CCDC88B: variants seen among roughly 807,000 people sequenced by gnomAD.
The protein encoded by CCDC88B is coiled-coil domain-containing protein 88B.
CCDC88B carries 138 observed loss-of-function variants against 183.7 expected under a neutral mutation model. That is an observed-to-expected ratio of 0.75 (90% confidence interval 0.65 to 0.87). CCDC88B has a LOEUF of 0.87. Among genes scored for constraint, CCDC88B ranks in the 40% least tolerant of loss-of-function variants. The pLI, the probability that CCDC88B is intolerant of heterozygous loss-of-function variation, is 0.00. For synonymous variants in CCDC88B, 835 were observed against 867.5 expected (o/e 0.96, Z 0.66); for missense variants, 1,822 against 1,965.6 (o/e 0.93, Z 1.38).
chr11:64,340,707 T>A lies in CCDC88B; in HGVS notation c.161T>A (p.Leu54Gln). The A allele has an allele frequency of 6.2e-7, 1 of 1,612,452 alleles. No homozygotes were observed. Among genetic ancestry groups the A allele is most frequent in the Non-Finnish European group, 8.5e-7 (1 of 1,179,802 alleles). Residue 54 changes from leucine (L) to glutamine (Q), a missense_variant, in exon 2 of 27, where the codon CTG (leucine) becomes CAG (glutamine). Leu to Gln is a moderately radical substitution (Grantham distance 113). Transcript: ENST00000356786. ...EPPLWLEKRF[L>Q]RLSDGALLLR... ...CCCCTTTGGTTGGAGAAGAGATTCC[T>A]GCGCCTCAGCGATGGGGCCCTGCTC...
intron 14 of CCDC88B, among the ~76,000 whole-genome samples, chr11:64,345,960 G>A (rs1393312012): frequency 1.3e-5 from 2 of 152,182 alleles, no homozygotes; most frequent in Admixed American, 6.5e-5. Context: ...AGCTGAGATT[G>A]TGCCACTATA....
At position 64,349,664 on chromosome 11, in the gene CCDC88B, T is replaced by C; in HGVS notation, c.2858T>C (p.Phe953Ser). The change falls in exon 16 of 27, where the codon TTC (phenylalanine) becomes TCC (serine). Residue 953 changes from phenylalanine (F) to serine (S), a missense_variant. Phe to Ser is a radical substitution (Grantham distance 155). Transcript: ENST00000356786. Reference sequence around the variant, plus strand: ...GCCCTGCAGCTGGAAGAGGAGCTGTTCCAGGTGATGCCTGCCCGCCTGGGA... The same window carrying C: ...GCCCTGCAGCTGGAAGAGGAGCTGTCCCAGGTGATGCCTGCCCGCCTGGGA... Reference protein sequence around the residue: ...TRALQLEEELFQLRQGPAGLG... With the variant: ...TRALQLEEELSQLRQGPAGLG... 1 of 1,590,700 alleles carries C rather than the reference T, an allele frequency of 6.3e-7. No individual in the cohort carries two copies. The highest frequency in any genetic ancestry group is 1.1e-5 in the South Asian group (1 of 87,152).
chr11:64,340,565 G>C (rs1330009642), intron 1 of CCDC88B, 42 bp from the exon 2 acceptor site: 7 of 1,588,360 alleles, frequency 4.4e-6, no homozygotes, highest in Non-Finnish European at 6.0e-6. Flanking sequence ...GGGGCTCAGG[G>C]TTCACTCTGC....
intron 24 of CCDC88B, among the ~76,000 whole-genome samples, 188 bp from the exon 25 acceptor site, chr11:64,355,006 G>A (rs1375889667): frequency 2.2e-4 from 14 of 64,462 alleles, no homozygotes; most frequent in African/African-American, 8.8e-4. Context: ...GGCCCTCTCC[G>A]TGCATGAGCC....
In CCDC88B at chr11:64,357,058, G is replaced by A. The variant is rs762453283; in HGVS notation, c.4395G>A (p.Pro1465=). The A allele has an allele frequency of 1.2e-4, 200 of 1,602,640 alleles. No individual in the cohort carries two copies. The highest frequency in any genetic ancestry group is 8.3e-4 in the Middle Eastern group (5 of 6,008). Reference sequence around the variant, plus strand: ...CTCTAGGCCCTGAGGTACAGGAACCGGAGAAACGTCCCCTCACCCCATCCC... The same window carrying A: ...CTCTAGGCCCTGAGGTACAGGAACCAGAGAAACGTCCCCTCACCCCATCCC... ...ANREGPEVQE[P]EKRPLTPSLS... The change falls in exon 27 of 27, where the codon CCG becomes CCA. Residue 1465 remains proline (P), a synonymous_variant. Transcript: ENST00000356786.
At chr11:64,347,142 G>A (rs2036144681) in intron 14 of CCDC88B, among the ~76,000 whole-genome samples, 1 of 152,214 alleles carries the variant, frequency 6.6e-6, no homozygotes, top group African/African-American at 2.4e-5. Flanking sequence ...CATCTTCTTG[G>A]TGCCAGGCCC....
In CCDC88B at chr11:64,344,461, G is replaced by C; in HGVS notation, c.1920G>C (p.Gly640=). ...GCGAGTTGGTGCCTGAGGCCTGGGG[G>C]TTGAGACAGGAGGGCCCTGAGCACA... ...PQGELVPEAW[G]LRQEGPEHKP... is the part of the protein sequence containing the mutation. The change falls in exon 14 of 27, where the codon GGG becomes GGC. Residue 640 remains glycine (G), a synonymous_variant. Coordinates refer to ENST00000356786, the MANE Select transcript of CCDC88B (RefSeq NM_032251.6). The surrounding 1 kb of genome is among the most constrained non-coding windows in gnomAD (Gnocchi z 4.5). The C allele has an allele frequency of 6.3e-6, 10 of 1,595,460 alleles. No individual in the cohort carries two copies. The highest frequency in any genetic ancestry group is 7.7e-6 in the Non-Finnish European group (9 of 1,171,412).
intron 14 of CCDC88B, among the ~76,000 whole-genome samples, chr11:64,348,443 G>A (rs1489665933): frequency 6.6e-6 from 1 of 152,096 alleles, no homozygotes; most frequent in Non-Finnish European, 1.5e-5. Flanking sequence ...CTGGGCGGGA[G>A]GTTCTATTCA....
Position 64,343,177 on chromosome 11 carries a change from A to G in CCDC88B, c.1063-2A>G, listed in dbSNP as rs1313542457. On this transcript the variant is annotated splice_acceptor_variant, in intron 10 of 26. Coordinates refer to ENST00000356786, the MANE Select transcript of CCDC88B (RefSeq NM_032251.6). LOFTEE classifies it high-confidence loss of function. The stretch of plus-strand genomic sequence containing the variant: ...TACCGGTTCTCCCTGCTCTCCCACC[A>G]GGAGGAGCGGGTGCTCTCGGGGGTG... The G allele has an allele frequency of 3.3e-6, 5 of 1,527,072 alleles. No individual in the cohort carries two copies. The highest frequency in any genetic ancestry group is 3.5e-6 in the Non-Finnish European group (4 of 1,135,560). The allele number at this position is 1,527,072 out of a possible 1,614,324, so 94.6% of individuals were successfully genotyped here.
At position 64,351,266 on chromosome 11, in the gene CCDC88B, G is replaced by A. The variant is rs1351166906; in HGVS notation, c.2958+11G>A. 2.6e-6 allele frequency: 4 copies of A among 1,511,940 alleles called. No individual in the cohort carries two copies. Among genetic ancestry groups the A allele is most frequent in the Middle Eastern group, 2.2e-4 (1 of 4,514 alleles). 93.7% of individuals were successfully genotyped at this position (1,511,940 alleles called of 1,614,324 possible). A position where few individuals can be genotyped will look rare whatever the true frequency, so the allele number is the denominator to read the frequency against. ...GAGGTGGAGCGCAGTGTGAGTGTGG[G>A]CCCACAGTGGGCCCTGGGGAGGTGC... On this transcript the variant is annotated intron_variant, in intron 17 of 26. Transcript: ENST00000356786.
At chr11:64,352,915 GCT>G in intron 20 of CCDC88B, 28 bp downstream of exon 20, 1 of 1,540,744 alleles carries the variant, frequency 6.5e-7, no homozygotes. Flanking sequence ...GCCTCTAGCA[GCT>G]CTCAGTGGCC....
Position 64,344,911 on chromosome 11 carries a change from A to G in CCDC88B, c.2370A>G (p.Gln790=), listed in dbSNP as rs2135307252. Residue 790 remains glutamine, a synonymous_variant, in exon 14 of 27, where the codon CAA becomes CAG. Transcript: ENST00000356786. The surrounding 1 kb of genome is among the most constrained non-coding windows in gnomAD (Gnocchi z 4.5). ...HREAEAQAWE[Q]ARLREAVEAA... is the part of the protein sequence containing the mutation. ...AGGCAGAGGCCCAGGCCTGGGAGCA[A>G]GCCCGGCTGCGGGAGGCAGTGGAGG... 2 of 1,579,098 alleles carry G rather than the reference A, an allele frequency of 1.3e-6. No homozygotes were observed. The highest frequency in any genetic ancestry group is 4.6e-5 in the East Asian group (2 of 43,084).
rs758184933 is a variant in CCDC88B, at chr11:64,344,017, G to A, written c.1476G>A (p.Pro492=). 19 of 1,561,660 alleles carry A rather than the reference G, an allele frequency of 1.2e-5. No homozygotes were observed. Among genetic ancestry groups the A allele is most frequent in the South Asian group, 7.0e-5 (6 of 85,602 alleles). ...PGGQHPLLEA[P]REDPVLPVLE... ...CTCAGCACCCCCTGCTGGAGGCACC[G>A]AGAGAGGACCCTGTTCTTCCAGTGC... is the stretch of plus-strand genomic sequence containing the variant. Residue 492 remains proline, a synonymous_variant, in exon 14 of 27, where the codon CCG becomes CCA. Coordinates refer to ENST00000356786, the MANE Select transcript of CCDC88B (RefSeq NM_032251.6). The surrounding 1 kb of genome is among the most constrained non-coding windows in gnomAD (Gnocchi z 4.5).
Position 64,340,982 on chromosome 11 carries a change from G to A in CCDC88B, c.282G>A (p.Leu94=). The A allele has an allele frequency of 6.2e-7, 1 of 1,607,006 alleles. No homozygotes were observed. Among genetic ancestry groups the A allele is most frequent in the Non-Finnish European group, 8.5e-7 (1 of 1,176,052 alleles). The part of the protein sequence containing the change: ...DGPAAWRVWN[L]NHLWGRLRDF... ...CTGCTGCCTGGCGAGTGTGGAACCT[G>A]AACCACCTGTGGGGCCGACTGAGGG... Residue 94 remains leucine (L), a synonymous_variant, in exon 3 of 27, where the codon CTG becomes CTA. Coordinates refer to ENST00000356786, the MANE Select transcript of CCDC88B (RefSeq NM_032251.6).
chr11:64,345,968 A>G (rs879928953), intron 14 of CCDC88B, among the ~76,000 whole-genome samples: 1 of 152,192 alleles, frequency 6.6e-6, no homozygotes, highest in Non-Finnish European at 1.5e-5. Context: ...TTGTGCCACT[A>G]TACTCCAGCC....
Position 64,343,595 on chromosome 11 carries a change from C to T in CCDC88B, c.1298C>T (p.Pro433Leu), listed in dbSNP as rs1166709294. 1 of 1,551,616 alleles carries T rather than the reference C, an allele frequency of 6.4e-7. No homozygotes were observed. Among genetic ancestry groups the T allele is most frequent in the East Asian group, 2.4e-5 (1 of 40,976 alleles). ...GAGCTTCAGCGGAGCTTGGAGCCACCTCCAGGATCCCCTGGGGAGGGTGAG... is the reference window on the plus strand; with the variant it reads ...GAGCTTCAGCGGAGCTTGGAGCCACTTCCAGGATCCCCTGGGGAGGGTGAG... ...ELELQRSLEP[P>L]PGSPGEAPLA... is the part of the protein sequence containing the mutation. Residue 433 changes from proline (P) to leucine (L), a missense_variant, in exon 12 of 27, where the codon CCT (proline) becomes CTT (leucine). By Grantham distance (98) the Pro-to-Leu change is moderately conservative. Coordinates refer to ENST00000356786, the MANE Select transcript of CCDC88B (RefSeq NM_032251.6).
rs1477547180 is a variant in CCDC88B, at chr11:64,354,711, C to T, written c.4100-483C>T. On this transcript the variant is annotated intron_variant, in intron 24 of 26. Transcript: ENST00000356786. ...CCTCCGCCCCCCCCCTCTGACCCCT[C>T]CCCTGCATGAACCTCAGCCCCCTCT... Among the ~76,000 whole-genome samples the T allele has an allele frequency of 1.2e-3, 146 of 120,510 alleles. 2 individuals are homozygous for T. The highest frequency in any genetic ancestry group is 2.0e-3 in the Non-Finnish European group (113 of 56,208). The allele number at this position is 120,510 out of a possible 152,430, so 79.1% of individuals were successfully genotyped here.
intron 26 of CCDC88B, chr11:64,356,710 G>A: frequency 2.5e-6 from 1 of 405,480 alleles, no homozygotes; most frequent in Non-Finnish European, 4.4e-6. Flanking sequence ...CTAATGCTCT[G>A]GGAAGAAAGG....
chr11:64,343,039 G>A (rs1299422259), intron 10 of CCDC88B, 140 bp from the exon 11 acceptor site: 9 of 988,250 alleles, frequency 9.1e-6, no homozygotes, highest in African/African-American at 3.3e-5. Flanking sequence ...AGGGAGTGGC[G>A]GGGCCTAGAG....
Sources: gnomAD v4.1 joint callset for allele counts (sites outside exome capture counted in the v4.1 genomes callset) on GRCh38, gnomAD v4.1.1 for gene constraint, Gnocchi (gnomAD v3.1) non-coding constraint, MANE v1.5 for transcripts, NCBI Gene and HGNC (gene_info 2026-07-23, HGNC 2026-07-21) for gene names.